NCKAP5: variants seen among roughly 807,000 people sequenced by gnomAD.
NCKAP5 encodes the protein NCK associated protein 5, also known as nck-associated protein 5.
Under a neutral mutation model 167.0 loss-of-function variants are expected in NCKAP5, and 92 were observed. The ratio of observed to expected loss-of-function variants is 0.55; its 90% CI spans 0.47 to 0.66. NCKAP5 has a LOEUF of 0.66. Ranked by LOEUF, NCKAP5 falls within the 30% of genes least tolerant of loss-of-function variation. NCKAP5 has a pLI of 0.00. For missense variants in NCKAP5, 2,378 were observed against 2,315.0 expected (o/e 1.03, Z -0.56); for synonymous variants, 891 against 877.4 (o/e 1.02, Z -0.27).
At chr2:133,260,231 C>T (rs959482963) in intron 4 of NCKAP5, among the ~76,000 whole-genome samples, 8 of 152,208 alleles carry the variant, frequency 5.3e-5, no homozygotes, top group African/African-American at 1.9e-4. Flanking sequence ...CTTTTAAGTC[C>T]AACTCATTGC....
At chr2:133,438,575 C>T (rs562901277) in intron 3 of NCKAP5, among the ~76,000 whole-genome samples, 1 of 152,272 alleles carries the variant, frequency 6.6e-6, no homozygotes, top group African/African-American at 2.4e-5. Context: ...CTCCTATCAA[C>T]TAGCATTGAA....
intron 8 of NCKAP5, among the ~76,000 whole-genome samples, chr2:132,933,006 G>C (rs1477493948): frequency 1.4e-5 from 2 of 146,416 alleles, no homozygotes; most frequent in Non-Finnish European, 3.0e-5. Context: ...CTCACTGCAA[G>C]CTCCGCCTCC....
intron 19 of NCKAP5, among the ~76,000 whole-genome samples, chr2:132,703,724 T>A (rs1195570811): frequency 3.9e-5 from 6 of 152,220 alleles, no homozygotes; most frequent in Admixed American, 3.9e-4. Context: ...CAAACATTTA[T>A]AATGCACTTA....
chr2:133,598,701 G>A, the NCKAP5 span, among the ~76,000 whole-genome samples: 1 of 152,192 alleles, frequency 6.6e-6, no homozygotes, highest in African/African-American at 2.4e-5. Flanking sequence ...CCTGTATATT[G>A]TGCCAGGTGG....
At chr2:133,118,873 T>C (rs2082165758) in intron 6 of NCKAP5, 1 of 151,996 alleles carries the variant, frequency 6.6e-6, no homozygotes, top group African/African-American at 2.4e-5. Flanking sequence ...TCAGCAAAAG[T>C]GGTTTGAAAA....
At chr2:132,962,171 T>C (rs1192847799) in intron 8 of NCKAP5, among the ~76,000 whole-genome samples, 2 of 152,170 alleles carry the variant, frequency 1.3e-5, no homozygotes, top group Non-Finnish European at 2.9e-5. Flanking sequence ...ACAGTCCTTA[T>C]ATTGTTAATC....
intron 5 of NCKAP5, among the ~76,000 whole-genome samples, chr2:133,184,589 T>C (rs550344072): frequency 1.3e-5 from 2 of 152,288 alleles, no homozygotes; most frequent in East Asian, 3.9e-4. Flanking sequence ...ACTAACAGTG[T>C]ATAAGTGTTC....
chr2:133,035,134 T>C (rs1573817816), intron 6 of NCKAP5, among the ~76,000 whole-genome samples: 1 of 151,980 alleles, frequency 6.6e-6, no homozygotes, highest in East Asian at 1.9e-4. Flanking sequence ...AAACAAATCA[T>C]ATTTTAAGAC....
At chr2:133,328,319 C>T (rs921362431) in intron 3 of NCKAP5, among the ~76,000 whole-genome samples, 2 of 152,126 alleles carry the variant, frequency 1.3e-5, no homozygotes, top group Non-Finnish European at 1.5e-5. Context: ...AGGCTTGGAG[C>T]AACAGAGGAA....
intron 6 of NCKAP5, among the ~76,000 whole-genome samples, chr2:133,031,642 G>A (rs1027532605): frequency 1.1e-4 from 17 of 151,164 alleles, no homozygotes; most frequent in Non-Finnish European, 2.4e-4. Flanking sequence ...GGGCAGCCAA[G>A]GGAGTGCTGG....
At chr2:132,895,104 G>A (rs1215043677) in intron 8 of NCKAP5, among the ~76,000 whole-genome samples, 1 of 151,996 alleles carries the variant, frequency 6.6e-6, no homozygotes, top group African/African-American at 2.4e-5. Context: ...GGCCAAGGCG[G>A]GCGGATCACA....
chr2:132,979,465 C>T (rs1234367998), intron 7 of NCKAP5, among the ~76,000 whole-genome samples: 1 of 152,046 alleles, frequency 6.6e-6, no homozygotes, highest in East Asian at 1.9e-4. Flanking sequence ...CTGCCCCATG[C>T]CTACTTCCTC....
intron 5 of NCKAP5, among the ~76,000 whole-genome samples, chr2:133,142,184 C>A (rs1172672005): frequency 6.6e-6 from 1 of 152,102 alleles, no homozygotes; most frequent in Non-Finnish European, 1.5e-5. Flanking sequence ...AACCAGAGGG[C>A]CTCTTTTGAA....
chr2:133,144,103 T>C (rs924066843), intron 5 of NCKAP5, among the ~76,000 whole-genome samples: 5 of 152,112 alleles, frequency 3.3e-5, no homozygotes, highest in Non-Finnish European at 7.4e-5. Context: ...ATTAAAAATA[T>C]TGTAATCTTG....
intron 3 of NCKAP5, among the ~76,000 whole-genome samples, chr2:133,491,251 CACGTAAA>C (rs953711406): frequency 6.6e-6 from 1 of 152,152 alleles, no homozygotes; most frequent in Non-Finnish European, 1.5e-5. Flanking sequence ...GGATAATACA[CACGTAAA>C]TAAATAGGAA....
At chr2:133,276,727 A>C (rs945487352) in intron 4 of NCKAP5, among the ~76,000 whole-genome samples, 2 of 152,152 alleles carry the variant, frequency 1.3e-5, no homozygotes, top group Non-Finnish European at 2.9e-5. Context: ...AACCTGCAAA[A>C]GTCAGTTTTA....
At chr2:132,740,806 T>C (rs1487047521) in intron 16 of NCKAP5, among the ~76,000 whole-genome samples, 2 of 151,872 alleles carry the variant, frequency 1.3e-5, no homozygotes, top group Non-Finnish European at 1.5e-5. Context: ...ATGAGTTGCA[T>C]AGGGGATGAA....
chr2:132,975,994 C>A (rs1314624153), intron 7 of NCKAP5, among the ~76,000 whole-genome samples: 1 of 152,140 alleles, frequency 6.6e-6, no homozygotes, highest in Admixed American at 6.6e-5. Flanking sequence ...TACTCACTTA[C>A]AGCAGCCATG....
intron 11 of NCKAP5, 80 bp downstream of exon 11, chr2:132,860,412 T>C (rs1402534901): frequency 2.8e-6 from 4 of 1,447,398 alleles, no homozygotes; most frequent in South Asian, 2.6e-5. Context: ...CTCATGAAGA[T>C]GTTGCTAACT....
Sources: gnomAD v4.1 joint callset for allele counts (sites outside exome capture counted in the v4.1 genomes callset) on GRCh38, gnomAD v4.1.1 for gene constraint, MANE v1.5 for transcripts, NCBI Gene and HGNC (gene_info 2026-07-23, HGNC 2026-07-21) for gene names.